The following ZNF248 variants were observed in gnomAD, a reference collection of about 807,000 sequenced individuals.
ZNF248 encodes zinc finger protein 248, also known as KRAB protein domain.
ZNF248 carries 20 observed loss-of-function variants against 44.3 expected under a neutral mutation model. That is an observed-to-expected ratio of 0.45 (90% CI 0.32 to 0.66). The LOEUF (loss-of-function observed/expected upper bound fraction) is 0.66, where lower values mean the gene tolerates loss of function less well. Among genes scored for constraint, ZNF248 ranks in the 30% least tolerant of loss-of-function variants. The pLI, the probability that ZNF248 is intolerant of heterozygous loss-of-function variation, is 0.04. For missense variants in ZNF248, 654 were observed against 677.0 expected, an observed-to-expected ratio of 0.97 and a Z score of 0.38; for synonymous variants, 224 against 229.0, an observed-to-expected ratio of 0.98 and a Z score of 0.20.
the ZNF248 span, among the ~76,000 whole-genome samples, chr10:37,766,489 A>G: frequency 1.3e-5 from 2 of 152,296 alleles, no homozygotes; most frequent in East Asian, 3.9e-4. Flanking sequence ...TTCTGCAGCC[A>G]CCACTGCTGA....
chr10:37,810,144 C>T (rs1021284024), intron 6 of ZNF248, among the ~76,000 whole-genome samples: 2 of 152,160 alleles, frequency 1.3e-5, no homozygotes, highest in Non-Finnish European at 2.9e-5. Context: ...ATAACCTTAA[C>T]CTTGATTGAA....
At chr10:37,782,148 G>C (rs953082372) in intron 6 of ZNF248, among the ~76,000 whole-genome samples, 2 of 152,200 alleles carry the variant, frequency 1.3e-5, no homozygotes, top group Non-Finnish European at 2.9e-5. Flanking sequence ...AATCTACCAA[G>C]AGTATGTGCA....
the ZNF248 span, among the ~76,000 whole-genome samples, chr10:37,770,244 C>G: frequency 9.9e-4 from 150 of 152,182 alleles, 1 homozygote; most frequent in African/African-American, 3.2e-3. Context: ...AGCTACCAAT[C>G]ACTTTCTTCA....
At chr10:37,790,306 A>G (rs1345902196) in intron 6 of ZNF248, among the ~76,000 whole-genome samples, 1 of 149,966 alleles carries the variant, frequency 6.7e-6, no homozygotes, top group Admixed American at 6.7e-5. Context: ...TAGGGCTGGG[A>G]ATGGTGGCTC....
At chr10:37,845,639 T>C (rs2059200194) in intron 3 of ZNF248, among the ~76,000 whole-genome samples, 1 of 151,784 alleles carries the variant, frequency 6.6e-6, no homozygotes, top group Admixed American at 6.6e-5. Context: ...ACAACAGATA[T>C]GCATTATAAG....
the ZNF248 span, among the ~76,000 whole-genome samples, chr10:37,771,157 C>T: frequency 6.6e-6 from 1 of 152,188 alleles, no homozygotes; most frequent in African/African-American, 2.4e-5. Flanking sequence ...AATAGGAACA[C>T]TTTTACACTG....
the ZNF248 span, among the ~76,000 whole-genome samples, chr10:37,765,685 TC>T: frequency 2.0e-5 from 3 of 152,190 alleles, no homozygotes; most frequent in South Asian, 6.2e-4. Flanking sequence ...GGTCTACAGC[TC>T]CCAGCGTGAG....
chr10:37,820,792 T>G, intron 6 of ZNF248: 1 of 1,171,908 alleles, frequency 8.5e-7, no homozygotes, highest in South Asian at 1.2e-5. Context: ...GTACTCTCCT[T>G]CATTTTGCCT....
downstream of ZNF248, among the ~76,000 whole-genome samples, chr10:37,827,451 C>G (rs747636848): frequency 1.3e-5 from 2 of 152,146 alleles, no homozygotes; most frequent in Non-Finnish European, 2.9e-5. Flanking sequence ...GTCATCAGTT[C>G]TCACCTACCA....
At chr10:37,806,622 T>C (rs555127523) in intron 6 of ZNF248, among the ~76,000 whole-genome samples, 1 of 152,304 alleles carries the variant, frequency 6.6e-6, no homozygotes, top group East Asian at 1.9e-4. Flanking sequence ...AGGAGTTATC[T>C]ATATATTCTG....
the ZNF248 span, among the ~76,000 whole-genome samples, chr10:37,761,618 G>A: frequency 6.6e-6 from 1 of 152,174 alleles, no homozygotes; most frequent in Non-Finnish European, 1.5e-5. Flanking sequence ...TCTTACAATG[G>A]AATAGTGAAT....
intron 5 of ZNF248, among the ~76,000 whole-genome samples, chr10:37,833,346 C>T (rs950092520): frequency 1.3e-5 from 2 of 152,234 alleles, no homozygotes; most frequent in East Asian, 3.9e-4. Context: ...ATATTTAACA[C>T]TTTATAAATA....
At chr10:37,827,091 G>T (rs2054498695), downstream of ZNF248, among the ~76,000 whole-genome samples, 1 of 152,196 alleles carries the variant, frequency 6.6e-6, no homozygotes, top group Non-Finnish European at 1.5e-5. Context: ...ATCTAGGCCT[G>T]AGAAAGCTAA....
Position 37,828,786 on chromosome 10 carries a change from T to C in ZNF248, c.*2829A>G, listed in dbSNP as rs542969385. 1.2e-5 allele frequency: 12 copies of C among 985,278 alleles called. No individual in the cohort carries two copies. The highest frequency in any genetic ancestry group is 1.7e-5 in the African/African-American group (1 of 57,222). The allele number at this position is 985,278 out of a possible 1,614,324, so 61.0% of individuals were successfully genotyped here. A position where few individuals can be genotyped will look rare whatever the true frequency, so the allele number is the denominator to read the frequency against. ...AGTGCAGGGACAACTGGCTATTTAT[T>C]TGGAAGAATACAGAGCTGCTTACCT... On this transcript the variant is annotated 3_prime_UTR_variant, in exon 6 of 6. Transcript: ENST00000395867.
intron 6 of ZNF248, chr10:37,819,332 T>C: frequency 9.0e-7 from 1 of 1,109,674 alleles, no homozygotes; most frequent in South Asian, 1.2e-5. Context: ...AAAGTAATCA[T>C]ACAGCTTAAT....
chr10:37,848,474 T>C (rs1049693583), intron 3 of ZNF248, among the ~76,000 whole-genome samples: 30 of 151,220 alleles, frequency 2.0e-4, no homozygotes, highest in African/African-American at 7.1e-4. Context: ...TCCCAACTAC[T>C]CGGGAGGCTG....
At chr10:37,800,024 A>G (rs937138977) in intron 6 of ZNF248, among the ~76,000 whole-genome samples, 1 of 152,136 alleles carries the variant, frequency 6.6e-6, no homozygotes, top group Non-Finnish European at 1.5e-5. Context: ...CCTGGGCAAC[A>G]TAATGAGACT....
chr10:37,822,812 T>C (rs1222494636), intron 6 of ZNF248, among the ~76,000 whole-genome samples: 1 of 152,110 alleles, frequency 6.6e-6, no homozygotes, highest in East Asian at 1.9e-4. Context: ...TACAAATTTG[T>C]GTTGGGCTGC....
chr10:37,797,007 A>G lies in ZNF248; in HGVS notation c.331-20432T>C, dbSNP rs142794830. Among the ~76,000 whole-genome samples, 4 of 152,276 alleles carry G rather than the reference A, an allele frequency of 2.6e-5. No individual in the cohort carries two copies. In the East Asian group the frequency reaches 7.7e-4, roughly 29 times the overall value. On this transcript the variant is annotated intron_variant, in intron 6 of 6. Coordinates refer to the ZNF248 transcript ENST00000615949. ...GAAGATAAGAAAGGAGAGAATTATA[A>G]CATCTAATAGTAATTAAGTCTAACT...
Sources: gnomAD v4.1 joint callset for allele counts (sites outside exome capture counted in the v4.1 genomes callset) on GRCh38, gnomAD v4.1.1 for gene constraint, MANE v1.5 for transcripts, NCBI Gene and HGNC (gene_info 2026-07-23, HGNC 2026-07-21) for gene names.